KAZN: variants seen among roughly 807,000 people sequenced by gnomAD.
The protein encoded by KAZN is kazrin, periplakin interacting protein.
Under a neutral mutation model 87.4 loss-of-function variants are expected in KAZN, and 40 were observed. The ratio of observed to expected loss-of-function variants is 0.46; its 90% CI spans 0.36 to 0.60. The LOEUF is 0.60. KAZN is among the 20% of genes least tolerant of loss of function. The probability of loss-of-function intolerance (pLI) is 0.00; values close to 1 mark genes in which losing one functional copy is unlikely to be tolerated. For missense variants in KAZN, 898 were observed against 1,073.9 expected (o/e 0.84, Z 2.29); for synonymous variants, 466 against 458.3 (o/e 1.02, Z -0.22).
intron 1 of KAZN, among the ~76,000 whole-genome samples, chr1:14,094,716 G>A (rs548061101): frequency 6.6e-6 from 1 of 152,198 alleles, no homozygotes; most frequent in Admixed American, 6.5e-5. Context: ...CTATTTCCTA[G>A]TAGTGGAAGT....
upstream of KAZN, among the ~76,000 whole-genome samples, chr1:14,596,580 G>A (rs149668290): frequency 3.3e-4 from 51 of 152,240 alleles, no homozygotes; most frequent in Middle Eastern, 3.4e-3. Flanking sequence ...AGTAACACCC[G>A]GCACCTATTA....
chr1:14,752,636 A>G (rs1644444524), intron 1 of KAZN, among the ~76,000 whole-genome samples: 1 of 152,142 alleles, frequency 6.6e-6, no homozygotes, highest in South Asian at 2.1e-4. Flanking sequence ...TCATAAGGGT[A>G]CCAATCCCAT....
In KAZN at chr1:14,587,447, G is replaced by GA. The variant is rs59612903; in HGVS notation, c.250-11522dup. Among the ~76,000 whole-genome samples, 659 of 127,880 alleles carry GA rather than the reference G, an allele frequency of 5.2e-3. 3 individuals are homozygous for GA. The highest frequency in any genetic ancestry group is 0.014 in the South Asian group (56 of 3,926). The allele number at this position is 127,880 out of a possible 152,430, so 83.9% of individuals were successfully genotyped here. On this transcript the variant is annotated intron_variant, in intron 2 of 16. Coordinates refer to the KAZN transcript ENST00000636203. ...CGAGACTCCAACTCAAAAAAAAAAA[G>GA]AAAAAAAAAAAAAAGAGGTTTACCT...
chr1:14,645,383 G>T (rs994183869), intron 1 of KAZN, among the ~76,000 whole-genome samples: 2 of 152,178 alleles, frequency 1.3e-5, no homozygotes, highest in Non-Finnish European at 2.9e-5. Context: ...TCTGTAAATT[G>T]CTTTGGGCAG....
intron 14 of KAZN, chr1:15,113,575 C>G (rs1246818671): frequency 6.6e-6 from 1 of 152,118 alleles, no homozygotes. Flanking sequence ...TGAAGGCCTA[C>G]TATGTGTGAT....
At chr1:14,250,029 C>A (rs1649869951) in intron 2 of KAZN, among the ~76,000 whole-genome samples, 1 of 152,148 alleles carries the variant, frequency 6.6e-6, no homozygotes, top group Non-Finnish European at 1.5e-5. Flanking sequence ...AGTACAGGTT[C>A]ATGAAAGATA....
chr1:14,493,706 C>T (rs1051319859), intron 2 of KAZN, among the ~76,000 whole-genome samples: 1 of 152,112 alleles, frequency 6.6e-6, no homozygotes, highest in African/African-American at 2.4e-5. Flanking sequence ...ATGAAGATGT[C>T]TTATTTCTTA....
chr1:14,349,611 G>A (rs2100935111), intron 2 of KAZN, among the ~76,000 whole-genome samples: 1 of 152,216 alleles, frequency 6.6e-6, no homozygotes, highest in South Asian at 2.1e-4. Context: ...AGCCCACTTT[G>A]TTTGTTAATT....
chr1:13,901,855 G>T (rs1385253157), intron 1 of KAZN, among the ~76,000 whole-genome samples: 4 of 152,254 alleles, frequency 2.6e-5, no homozygotes, highest in Admixed American at 2.6e-4. Flanking sequence ...GTTGTACGAT[G>T]AAGTATGCAC....
chr1:14,362,662 A>G (rs554701568), intron 2 of KAZN, among the ~76,000 whole-genome samples: 3 of 152,320 alleles, frequency 2.0e-5, no homozygotes, highest in Admixed American at 2.0e-4. Context: ...AAGACTGTGT[A>G]GCTTAATTCC....
intron 1 of KAZN, among the ~76,000 whole-genome samples, chr1:14,855,584 A>G (rs544511534): frequency 9.2e-5 from 14 of 152,328 alleles, no homozygotes; most frequent in African/African-American, 2.9e-4. Context: ...GCCAGTGTCC[A>G]TGAGTGGGGT....
intron 1 of KAZN, among the ~76,000 whole-genome samples, chr1:14,106,453 C>T (rs1644376887): frequency 6.6e-6 from 1 of 152,184 alleles, no homozygotes; most frequent in Admixed American, 6.5e-5. Flanking sequence ...TCTTCTCAAG[C>T]CCCCTCCAGC....
At chr1:14,039,644 G>T (rs1030216368) in intron 1 of KAZN, among the ~76,000 whole-genome samples, 6 of 152,154 alleles carry the variant, frequency 3.9e-5, no homozygotes, top group Admixed American at 2.0e-4. Flanking sequence ...TTTAGCAATC[G>T]CTGCTGCCTG....
intron 1 of KAZN, among the ~76,000 whole-genome samples, chr1:14,754,192 ACCCTGGGCTTTCTGCC>A (rs1644492022): frequency 6.6e-6 from 1 of 152,148 alleles, no homozygotes; most frequent in Non-Finnish European, 1.5e-5. Flanking sequence ...TGCAGGGCCC[ACCCTGGGCTTTCTGCC>A]CAGGGTGCTT....
chr1:14,950,555 A>T (rs1047062795), intron 1 of KAZN, among the ~76,000 whole-genome samples: 10 of 152,182 alleles, frequency 6.6e-5, no homozygotes, highest in Admixed American at 1.3e-4. Context: ...CTACACTGGC[A>T]GACTTCTCAC....
intron 1 of KAZN, among the ~76,000 whole-genome samples, chr1:14,662,749 G>A (rs558237254): frequency 6.6e-6 from 1 of 151,136 alleles, no homozygotes; most frequent in South Asian, 2.1e-4. Context: ...AGGGAGGGAG[G>A]CAATTCACAA....
intron 2 of KAZN, among the ~76,000 whole-genome samples, chr1:14,433,743 C>T (rs1210835534): frequency 1.3e-5 from 2 of 152,178 alleles, no homozygotes; most frequent in Non-Finnish European, 2.9e-5. Flanking sequence ...GCCTGTAATC[C>T]CAGCTACTCG....
At chr1:13,951,876 G>A (rs972384828) in intron 1 of KAZN, among the ~76,000 whole-genome samples, 17 of 152,158 alleles carry the variant, frequency 1.1e-4, no homozygotes, top group Non-Finnish European at 1.2e-4. Flanking sequence ...ATGATGCCAA[G>A]GTATGACCCA....
At chr1:14,917,474 T>C (rs1175604463) in intron 1 of KAZN, among the ~76,000 whole-genome samples, 2 of 152,298 alleles carry the variant, frequency 1.3e-5, no homozygotes, top group East Asian at 3.9e-4. Flanking sequence ...TCAGAAGCCG[T>C]GGGCAGGTCA....
Sources: gnomAD v4.1 joint callset for allele counts (sites outside exome capture counted in the v4.1 genomes callset) on GRCh38, gnomAD v4.1.1 for gene constraint, MANE v1.5 for transcripts, NCBI Gene and HGNC (gene_info 2026-07-23, HGNC 2026-07-21) for gene names.